Variants in RIMS2 observed in about 807,000 individuals in gnomAD.
The protein encoded by RIMS2 is regulating synaptic membrane exocytosis 2.
RIMS2 carries 59 observed loss-of-function variants against 174.4 expected under a neutral mutation model. The observed-to-expected ratio is 0.34, with a 90% confidence interval of 0.27 to 0.42. RIMS2 has a LOEUF of 0.42. RIMS2 is among the 10% of genes least tolerant of loss of function. The pLI is 1.00. For missense variants in RIMS2, 1,620 were observed against 1,666.3 expected (o/e 0.97, Z 0.48); for synonymous variants, 606 against 572.5 (o/e 1.06, Z -0.84).
intron 1 of RIMS2, among the ~76,000 whole-genome samples, chr8:103,591,329 T>C (rs2094246084): frequency 6.6e-6 from 1 of 151,194 alleles, no homozygotes; most frequent in Non-Finnish European, 1.5e-5. Flanking sequence ...ATCTCATCTG[T>C]GTTTTGCAAA....
At chr8:103,548,365 C>T (rs1265360213) in intron 1 of RIMS2, among the ~76,000 whole-genome samples, 1 of 152,144 alleles carries the variant, frequency 6.6e-6, no homozygotes, top group Admixed American at 6.5e-5. Flanking sequence ...CAACATATGC[C>T]AATCAATAAA....
chr8:103,925,794 C>G (rs932417742), intron 10 of RIMS2, among the ~76,000 whole-genome samples: 5 of 151,460 alleles, frequency 3.3e-5, no homozygotes, highest in African/African-American at 1.2e-4. Context: ...TCAGAGTGTT[C>G]TGGGATGATG....
intron 3 of RIMS2, among the ~76,000 whole-genome samples, chr8:103,769,749 G>A (rs1321128751): frequency 6.6e-6 from 1 of 152,218 alleles, no homozygotes; most frequent in Admixed American, 6.5e-5. Flanking sequence ...ATTGTGGGGA[G>A]CCAACAGGTT....
At chr8:103,540,056 G>A (rs1210420474) in intron 1 of RIMS2, among the ~76,000 whole-genome samples, 2 of 152,206 alleles carry the variant, frequency 1.3e-5, no homozygotes, top group Non-Finnish European at 2.9e-5. Context: ...CAAGCATCAT[G>A]TACTATTTCC....
chr8:103,936,674 T>C (rs1331444681), exon 13 of RIMS2: 1 of 1,610,512 alleles, frequency 6.2e-7, no homozygotes, highest in Admixed American at 1.7e-5. Context: ...AGATTACCCT[T>C]TGGGATCAAG....
intron 2 of RIMS2, among the ~76,000 whole-genome samples, chr8:103,763,390 T>C (rs1229072726): frequency 6.6e-6 from 1 of 151,296 alleles, no homozygotes; most frequent in Non-Finnish European, 1.5e-5. Flanking sequence ...GAACTGATAT[T>C]GTGCCGCTGA....
At chr8:103,675,449 C>T (rs1204310817) in intron 1 of RIMS2, among the ~76,000 whole-genome samples, 5 of 152,156 alleles carry the variant, frequency 3.3e-5, no homozygotes, top group Non-Finnish European at 5.9e-5. Flanking sequence ...GGGCTTGACT[C>T]GGCCCTGCAG....
intron 19 of RIMS2, among the ~76,000 whole-genome samples, chr8:104,155,498 C>T (rs2098717631): frequency 6.9e-6 from 1 of 145,296 alleles, no homozygotes. Flanking sequence ...ACTGCAAGCT[C>T]CATCTCCCAG....
intron 19 of RIMS2, among the ~76,000 whole-genome samples, chr8:104,105,707 A>G (rs2098035787): frequency 6.6e-6 from 1 of 152,040 alleles, no homozygotes; most frequent in African/African-American, 2.4e-5. Flanking sequence ...AACTGGTACT[A>G]TACAGGTACA....
At chr8:103,717,968 T>C (rs1052159015) in intron 2 of RIMS2, among the ~76,000 whole-genome samples, 1 of 152,184 alleles carries the variant, frequency 6.6e-6, no homozygotes, top group Non-Finnish European at 1.5e-5. Context: ...AATAACCACA[T>C]GTGGCTAATG....
intron 4 of RIMS2, among the ~76,000 whole-genome samples, chr8:103,893,673 T>C (rs562869439): frequency 2.4e-4 from 36 of 152,132 alleles, no homozygotes; most frequent in Non-Finnish European, 4.4e-4. Flanking sequence ...TCACATGAAA[T>C]TTAAATTTTA....
chr8:103,844,979 T>C (rs1290751968), intron 3 of RIMS2, among the ~76,000 whole-genome samples: 1 of 152,160 alleles, frequency 6.6e-6, no homozygotes, highest in South Asian at 2.1e-4. Flanking sequence ...CAGCTCTTAA[T>C]AGACTTCCAA....
At chr8:103,933,852 A>AT (rs1466735834) in intron 12 of RIMS2, among the ~76,000 whole-genome samples, 1 of 152,118 alleles carries the variant, frequency 6.6e-6, no homozygotes, top group Admixed American at 6.6e-5. Flanking sequence ...TGAATTATTA[A>AT]TTTTTTTGAC....
chr8:103,915,557 A>C (rs757342701), exon 7 of RIMS2: 1 of 1,605,994 alleles, frequency 6.2e-7, no homozygotes, highest in South Asian at 1.1e-5. Flanking sequence ...AAGTAAAAAA[A>C]GGAAGTTTAG....
At chr8:103,611,512 C>G (rs1438152855) in intron 1 of RIMS2, among the ~76,000 whole-genome samples, 1 of 150,006 alleles carries the variant, frequency 6.7e-6, no homozygotes, top group Non-Finnish European at 1.5e-5. Flanking sequence ...CATCCCTCAG[C>G]CTTTGTTTGT....
chr8:104,104,311 G>T (rs537084712), intron 19 of RIMS2, among the ~76,000 whole-genome samples: 17 of 152,324 alleles, frequency 1.1e-4, no homozygotes, highest in African/African-American at 3.6e-4. Flanking sequence ...AGTTTCAAGA[G>T]ACACCAGCAT....
intron 9 of RIMS2, among the ~76,000 whole-genome samples, chr8:103,919,097 A>AT (rs888746178): frequency 3.3e-5 from 5 of 152,178 alleles, no homozygotes; most frequent in African/African-American, 1.2e-4. Flanking sequence ...TGTTAAATTA[A>AT]TTTTTTCCAA....
intron 3 of RIMS2, among the ~76,000 whole-genome samples, chr8:103,788,417 C>A (rs1417386085): frequency 7.6e-6 from 1 of 130,900 alleles, no homozygotes; most frequent in Non-Finnish European, 1.7e-5. Flanking sequence ...TACTTTTGGT[C>A]TTTGATGATG....
At chr8:104,146,403 A>G (rs2098640365) in intron 19 of RIMS2, among the ~76,000 whole-genome samples, 1 of 152,088 alleles carries the variant, frequency 6.6e-6, no homozygotes, top group East Asian at 1.9e-4. Flanking sequence ...ATAAAAAGAA[A>G]TAACTCCTTT....
Sources: allele counts gnomAD v4.1 joint callset (sites outside exome capture counted in the v4.1 genomes callset), GRCh38; gene constraint gnomAD v4.1.1; transcripts MANE v1.5; gene names NCBI Gene and HGNC (gene_info 2026-07-23, HGNC 2026-07-21).